Variants in PTPRN2 observed in about 807,000 individuals in gnomAD.
The protein encoded by PTPRN2 is protein tyrosine phosphatase receptor type N2.
Under a neutral mutation model 118.8 loss-of-function variants are expected in PTPRN2, and 74 were observed. The ratio of observed to expected loss-of-function variants is 0.62; its 90% CI spans 0.52 to 0.76. PTPRN2 has a LOEUF of 0.76. PTPRN2 is among the 30% of genes least tolerant of loss of function. The pLI is 0.00. For missense variants in PTPRN2, 1,481 were observed against 1,394.4 expected (o/e 1.06, Z -0.99); for synonymous variants, 641 against 608.0 (o/e 1.05, Z -0.80).
At chr7:157,567,913 C>T (rs1346936880) in intron 21 of PTPRN2, among the ~76,000 whole-genome samples, 2 of 152,162 alleles carry the variant, frequency 1.3e-5, no homozygotes, top group African/African-American at 4.8e-5. Flanking sequence ...TCCTTGGGAC[C>T]TCTCCATGCA....
intron 11 of PTPRN2, among the ~76,000 whole-genome samples, chr7:157,996,603 G>A (rs1804764905): frequency 6.6e-6 from 1 of 152,168 alleles, no homozygotes; most frequent in African/African-American, 2.4e-5. Flanking sequence ...GCCTGTTGGA[G>A]GGTGGTGTGG....
At chr7:158,341,043 G>T (rs1319628513) in intron 2 of PTPRN2, among the ~76,000 whole-genome samples, 4 of 31,484 alleles carry the variant, frequency 1.3e-4, no homozygotes, top group Admixed American at 7.0e-4. Context: ...TCACCATGAG[G>T]TGACACCTGC....
chr7:157,777,459 C>G (rs1481892860), intron 12 of PTPRN2, among the ~76,000 whole-genome samples: 4 of 146,544 alleles, frequency 2.7e-5, no homozygotes. Context: ...CGCAGTGCCC[C>G]ACACTGCTAA....
chr7:158,572,031 C>T (rs1484293722), intron 1 of PTPRN2, among the ~76,000 whole-genome samples: 1 of 152,136 alleles, frequency 6.6e-6, no homozygotes, highest in East Asian at 1.9e-4. Context: ...CTTCTGGAAG[C>T]ACAGAAGGTT....
intron 1 of PTPRN2, among the ~76,000 whole-genome samples, chr7:158,572,189 A>G (rs974060149): frequency 1.3e-5 from 2 of 152,186 alleles, no homozygotes; most frequent in Non-Finnish European, 2.9e-5. Context: ...AATGTTCTGA[A>G]AAGAGGTTTC....
intron 6 of PTPRN2, among the ~76,000 whole-genome samples, chr7:158,147,356 G>T: frequency 2.0e-5 from 1 of 49,244 alleles, no homozygotes; most frequent in Admixed American, 2.2e-4. Flanking sequence ...CTCACGCCAC[G>T]TATCTTTCCC....
chr7:157,997,678 G>A (rs1419322563), intron 11 of PTPRN2, among the ~76,000 whole-genome samples: 5 of 151,568 alleles, frequency 3.3e-5, no homozygotes, highest in Non-Finnish European at 2.9e-5. Flanking sequence ...AGGAGGCCAG[G>A]GAGGGGCAGA....
chr7:158,199,686 T>C (rs952381099), intron 4 of PTPRN2, among the ~76,000 whole-genome samples: 1 of 152,144 alleles, frequency 6.6e-6, no homozygotes, highest in African/African-American at 2.4e-5. Context: ...CCAGGTGACA[T>C]TCTTCGTTAG....
intron 1 of PTPRN2, among the ~76,000 whole-genome samples, chr7:158,585,802 C>T (rs1438704973): frequency 6.6e-6 from 1 of 152,254 alleles, no homozygotes; most frequent in African/African-American, 2.4e-5. Context: ...TTCCCTGGGA[C>T]ACTCCACGCC....
chr7:157,793,226 A>G (rs963393239), intron 12 of PTPRN2, among the ~76,000 whole-genome samples: 3 of 152,066 alleles, frequency 2.0e-5, no homozygotes, highest in African/African-American at 7.2e-5. Context: ...GAGCAAACAC[A>G]GTTTCTGCTG....
chr7:157,748,540 C>T lies in PTPRN2; in HGVS notation c.1789-65603G>A, dbSNP rs1202006707. Among the ~76,000 whole-genome samples, 101 of 106,294 alleles carry T rather than the reference C, an allele frequency of 9.5e-4. 3 individuals carry two copies. Among genetic ancestry groups the T allele is most frequent in the Middle Eastern group, 6.2e-3 (1 of 162 alleles). The allele number at this position is 106,294 out of a possible 152,430, so 69.7% of individuals were successfully genotyped here. On this transcript the variant is annotated intron_variant, in intron 12 of 22. Transcript: ENST00000389418. Reference sequence around the variant, plus strand: ...TCTGCGTCTCTGAGCTGTGGGGTGTCCGGGTGATTCTGAGGCCTGCGTCCC... The same window carrying T: ...TCTGCGTCTCTGAGCTGTGGGGTGTTCGGGTGATTCTGAGGCCTGCGTCCC...
intron 3 of PTPRN2, among the ~76,000 whole-genome samples, chr7:158,216,331 G>C (rs1827953901): frequency 6.6e-6 from 1 of 151,776 alleles, no homozygotes; most frequent in African/African-American, 2.4e-5. Context: ...AGAACAAGTA[G>C]AAAATACAAA....
At chr7:157,981,784 G>GA (rs1413947492) in intron 11 of PTPRN2, among the ~76,000 whole-genome samples, 4 of 152,258 alleles carry the variant, frequency 2.6e-5, no homozygotes, top group Non-Finnish European at 4.4e-5. Flanking sequence ...GCTATGATGT[G>GA]AAGGCTTTGA....
chr7:158,140,676 G>GTGGGGC (rs1819286853), intron 6 of PTPRN2, among the ~76,000 whole-genome samples: 1 of 152,258 alleles, frequency 6.6e-6, no homozygotes, highest in Non-Finnish European at 1.5e-5. Context: ...TCACCTGCAG[G>GTGGGGC]TGGGGCTGGG....
At chr7:158,119,803 C>T (rs1037141109) in intron 9 of PTPRN2, among the ~76,000 whole-genome samples, 1 of 152,128 alleles carries the variant, frequency 6.6e-6, no homozygotes, top group Non-Finnish European at 1.5e-5. Flanking sequence ...AAGTTTCAAG[C>T]ATCCACTGGG....
At chr7:158,031,693 C>T (rs1341815033) in intron 11 of PTPRN2, among the ~76,000 whole-genome samples, 5 of 151,982 alleles carry the variant, frequency 3.3e-5, no homozygotes, top group African/African-American at 9.7e-5. Flanking sequence ...CAGAAGGCAT[C>T]GTAATCTTCA....
At chr7:158,450,079 C>T (rs116720324) in intron 2 of PTPRN2, among the ~76,000 whole-genome samples, 1,926 of 152,306 alleles carry the variant, frequency 0.013, 34 homozygotes, top group African/African-American at 0.042. Context: ...CTTCTCACCG[C>T]GTCCTTACAT....
At chr7:158,277,806 C>T (rs999332969) in intron 3 of PTPRN2, among the ~76,000 whole-genome samples, 1 of 152,218 alleles carries the variant, frequency 6.6e-6, no homozygotes, top group Non-Finnish European at 1.5e-5. Flanking sequence ...TACAGAGGCT[C>T]CTCCTCCCAC....
At chr7:158,265,303 TACCTGCAGGCACAC>T (rs970757916) in intron 3 of PTPRN2, among the ~76,000 whole-genome samples, 7 of 151,904 alleles carry the variant, frequency 4.6e-5, no homozygotes, top group Non-Finnish European at 1.0e-4. Context: ...CACGAGCACA[TACCTGCAGGCACAC>T]ACCTGCAGGG....
Sources: allele counts gnomAD v4.1 joint callset (sites outside exome capture counted in the v4.1 genomes callset), GRCh38; gene constraint gnomAD v4.1.1; transcripts MANE v1.5; gene names NCBI Gene and HGNC (gene_info 2026-07-23, HGNC 2026-07-21).